Variants in THADA observed in about 807,000 individuals in gnomAD.
The protein encoded by THADA is THADA armadillo repeat containing, also known as tRNA (32-2'-O)-methyltransferase regulator THADA.
THADA carries 213 observed loss-of-function variants against 219.8 expected under a neutral mutation model. The observed-to-expected ratio is 0.97, with a 90% CI of 0.87 to 1.09. The LOEUF is 1.09. Among genes scored for constraint, THADA ranks in the 50% least tolerant of loss-of-function variants. The pLI is 0.00. For missense variants in THADA, 2,956 were observed against 2,311.3 expected (o/e 1.28, Z -5.72); for synonymous variants, 1,018 against 828.9 (o/e 1.23, Z -3.92).
At chr2:43,486,793 C>A (rs1686973809) in intron 25 of THADA, 1 of 152,072 alleles carries the variant, frequency 6.6e-6, no homozygotes, top group African/African-American at 2.4e-5. Flanking sequence ...AGCCAGGAAC[C>A]CTGGTTTTTA....
chr2:43,455,612 TA>T (rs527583382), intron 26 of THADA, among the ~76,000 whole-genome samples: 234 of 152,198 alleles, frequency 1.5e-3, no homozygotes, highest in Non-Finnish European at 2.8e-3. Flanking sequence ...CTATAATGTG[TA>T]AAACAAGGGT....
chr2:43,259,565 C>T (rs6544635), intron 36 of THADA, among the ~76,000 whole-genome samples: 36,654 of 152,112 alleles, frequency 0.24, 5,125 homozygotes, highest in African/African-American at 0.38. Flanking sequence ...AGAATAATAA[C>T]AACTTATTAT....
chr2:43,510,441 T>C lies in THADA; in HGVS notation c.3375-1661A>G, dbSNP rs1690264459. ...TAATTGCCCCACACTTTTGTATTTT[T>C]AAGGATTGAGGTTACTTCCCAAGCA... On this transcript the variant is annotated intron_variant, in intron 22 of 37. Coordinates refer to ENST00000405975, the MANE Select transcript of THADA (RefSeq NM_022065.5). 2.6e-5 allele frequency among the ~76,000 whole-genome samples: 4 copies of C among 152,304 alleles called. No individual in the cohort carries two copies. The South Asian group carries it at 8.3e-4, about 32-fold the overall frequency.
intron 30 of THADA, among the ~76,000 whole-genome samples, chr2:43,331,021 C>T (rs954053913): frequency 1.3e-5 from 2 of 152,194 alleles, no homozygotes; most frequent in Non-Finnish European, 2.9e-5. Context: ...AGTTAGGGTG[C>T]TTCTCTTAGT....
intron 36 of THADA, among the ~76,000 whole-genome samples, chr2:43,235,568 A>AGG (rs1667943128): frequency 6.6e-6 from 1 of 152,056 alleles, no homozygotes; most frequent in Admixed American, 6.5e-5. Flanking sequence ...CTGGGATTAC[A>AGG]CCCATGAGCC....
At chr2:43,265,125 A>T (rs1425550311) in intron 36 of THADA, among the ~76,000 whole-genome samples, 6 of 152,134 alleles carry the variant, frequency 3.9e-5, no homozygotes, top group Admixed American at 3.3e-4. Context: ...ATTTGGCCAG[A>T]AGCTTGCCTG....
At chr2:43,300,022 C>CT (rs1676069276) in intron 31 of THADA, among the ~76,000 whole-genome samples, 1 of 132,384 alleles carries the variant, frequency 7.6e-6, no homozygotes, top group Non-Finnish European at 1.6e-5. Context: ...GAGCAAAACT[C>CT]TGTCTCAAGG....
intron 26 of THADA, among the ~76,000 whole-genome samples, chr2:43,436,502 G>A (rs1474352643): frequency 6.6e-6 from 1 of 152,120 alleles, no homozygotes; most frequent in Non-Finnish European, 1.5e-5. Context: ...TTACTGAGAA[G>A]CCTATCAGAA....
intron 28 of THADA, among the ~76,000 whole-genome samples, chr2:43,400,484 T>TATATATATATATATATATATAC (rs1553427596): frequency 2.7e-5 from 4 of 145,958 alleles, no homozygotes; most frequent in South Asian, 2.1e-4. Flanking sequence ...TATAAATATA[T>TATATATATATATATATATATAC]ACACTAAGAA....
chr2:43,360,448 T>C (rs140577919), intron 29 of THADA, among the ~76,000 whole-genome samples: 1 of 152,204 alleles, frequency 6.6e-6, no homozygotes, highest in Non-Finnish European at 1.5e-5. Flanking sequence ...TGACTACAGG[T>C]CCTCAAGACT....
chr2:43,515,987 C>A (rs567814408), intron 22 of THADA, among the ~76,000 whole-genome samples: 1 of 152,114 alleles, frequency 6.6e-6, no homozygotes, highest in Non-Finnish European at 1.5e-5. Context: ...AATAACAAAT[C>A]GATCTCTTCA....
chr2:43,590,135 G>T (rs1359489264), intron 4 of THADA, among the ~76,000 whole-genome samples: 1 of 152,134 alleles, frequency 6.6e-6, no homozygotes, highest in Non-Finnish European at 1.5e-5. Context: ...CAATGAAATG[G>T]AAGCCTTAGT....
intron 3 of THADA, among the ~76,000 whole-genome samples, 193 bp from the exon 4 acceptor site, chr2:43,591,147 A>T (rs1347411306): frequency 6.6e-6 from 1 of 151,892 alleles, no homozygotes; most frequent in Non-Finnish European, 1.5e-5. Context: ...ACATGGTGAA[A>T]CCCTGTCTCT....
intron 30 of THADA, among the ~76,000 whole-genome samples, chr2:43,334,804 G>A (rs897332135): frequency 2.0e-5 from 3 of 152,060 alleles, no homozygotes; most frequent in Admixed American, 2.0e-4. Flanking sequence ...AAAAAACACT[G>A]GTCCCATACA....
chr2:43,580,898 A>G (rs1210839241), intron 8 of THADA, among the ~76,000 whole-genome samples: 1 of 151,934 alleles, frequency 6.6e-6, no homozygotes, highest in South Asian at 2.1e-4. Context: ...AAAAAAACCA[A>G]AAAACACAAA....
chr2:43,594,741 C>G (rs1220878111), intron 1 of THADA, among the ~76,000 whole-genome samples: 1 of 152,192 alleles, frequency 6.6e-6, no homozygotes, highest in Non-Finnish European at 1.5e-5. Flanking sequence ...TTATTCCCAC[C>G]TAAGAGGCTT....
chr2:43,564,943 G>C (rs527666124), intron 15 of THADA: 3 of 152,144 alleles, frequency 2.0e-5, no homozygotes, highest in African/African-American at 7.2e-5. Flanking sequence ...GCGTGATCTA[G>C]GATTGCTTCC....
intron 22 of THADA, among the ~76,000 whole-genome samples, chr2:43,521,218 G>A (rs1692434389): frequency 6.6e-6 from 1 of 150,992 alleles, no homozygotes; most frequent in African/African-American, 2.5e-5. Flanking sequence ...GAGGGCAGGA[G>A]GGCAGGCAGA....
chr2:43,296,680 CTAA>C (rs1675430411), intron 31 of THADA, among the ~76,000 whole-genome samples: 1 of 152,150 alleles, frequency 6.6e-6, no homozygotes, highest in Non-Finnish European at 1.5e-5. Context: ...TCATAACAAT[CTAA>C]TAATAATAAG....
Sources: gnomAD v4.1 joint callset for allele counts (sites outside exome capture counted in the v4.1 genomes callset) on GRCh38, gnomAD v4.1.1 for gene constraint, MANE v1.5 for transcripts, NCBI Gene and HGNC (gene_info 2026-07-23, HGNC 2026-07-21) for gene names.